Variants in CLNK observed in about 807,000 individuals in gnomAD.
CLNK encodes the protein cytokine dependent hematopoietic cell linker, also known as cytokine-dependent hematopoietic cell linker.
A neutral mutation model predicts 68.6 loss-of-function variants in CLNK; 74 were observed. The observed-to-expected ratio is 1.08, with a 90% CI of 0.89 to 1.31. The LOEUF (loss-of-function observed/expected upper bound fraction) is 1.31. CLNK is among the 50% of genes most tolerant of loss of function. The probability of loss-of-function intolerance (pLI) is 0.00; values close to 1 mark genes in which losing one functional copy is unlikely to be tolerated. For missense variants in CLNK, 553 were observed against 515.3 expected, an observed-to-expected ratio of 1.07 and a Z score of -0.71; for synonymous variants, 198 against 172.2, an observed-to-expected ratio of 1.15 and a Z score of -1.17.
At chr4:10,650,614 C>A (rs994033453) in intron 2 of CLNK, among the ~76,000 whole-genome samples, 3 of 152,048 alleles carry the variant, frequency 2.0e-5, no homozygotes, top group Non-Finnish European at 4.4e-5. Context: ...AACTGTCAAT[C>A]TGAAATTATA....
chr4:10,703,850 A>T, the CLNK span, among the ~76,000 whole-genome samples: 1 of 152,188 alleles, frequency 6.6e-6, no homozygotes, highest in East Asian at 1.9e-4. Flanking sequence ...TACAGTAATA[A>T]TACAGTATTA....
At chr4:10,699,266 C>CAT in the CLNK span, among the ~76,000 whole-genome samples, 2 of 66,014 alleles carry the variant, frequency 3.0e-5, no homozygotes, top group African/African-American at 1.4e-4. Context: ...TGTGTGTATA[C>CAT]ACACACACAC....
chr4:10,581,091 T>C (rs879707017), intron 4 of CLNK, among the ~76,000 whole-genome samples: 2 of 152,188 alleles, frequency 1.3e-5, no homozygotes, highest in Non-Finnish European at 2.9e-5. Flanking sequence ...TACCATTGTG[T>C]TACAACTGCC....
chr4:10,723,357 T>A, the CLNK span, among the ~76,000 whole-genome samples: 1 of 152,202 alleles, frequency 6.6e-6, no homozygotes, highest in African/African-American at 2.4e-5. Flanking sequence ...GTGGAGTATA[T>A]TAAGAAGTTT....
chr4:10,542,684 A>G (rs4698065), intron 8 of CLNK, among the ~76,000 whole-genome samples: 31,247 of 139,986 alleles, frequency 0.22, 3,259 homozygotes, highest in East Asian at 0.45. Flanking sequence ...GTGTGTGTGT[A>G]TATATATATA....
intron 2 of CLNK, among the ~76,000 whole-genome samples, chr4:10,641,024 T>TA (rs1001297865): frequency 1.3e-5 from 2 of 151,990 alleles, no homozygotes; most frequent in Non-Finnish European, 1.5e-5. Context: ...ATTTTTCATG[T>TA]AAAAAAATTA....
chr4:10,541,027 C>T (rs1357411845), intron 10 of CLNK, among the ~76,000 whole-genome samples: 1 of 151,930 alleles, frequency 6.6e-6, no homozygotes, highest in Non-Finnish European at 1.5e-5. Context: ...CCAGCCTGGC[C>T]AACATGGTAA....
rs1327785879 is a variant in CLNK, at chr4:10,542,296, G to A, written c.446-16C>T. The stretch of plus-strand genomic sequence containing the variant: ...GATGCATCTCCTAAAACATAAGAGG[G>A]AATAGCAGTGAATTTATGGAAAATG... On this transcript the variant is annotated splice_polypyrimidine_tract_variant and intron_variant, in intron 8 of 18. Transcript: ENST00000226951. The A allele has an allele frequency of 1.3e-6, 2 of 1,508,312 alleles. No homozygotes were observed. The highest frequency in any genetic ancestry group is 1.8e-6 in the Non-Finnish European group (2 of 1,103,554). 93.4% of individuals were successfully genotyped at this position (1,508,312 alleles called of 1,614,324 possible). A position where few individuals can be genotyped will look rare whatever the true frequency, so the allele number is the denominator to read the frequency against.
rs756599169 is a variant in CLNK, at chr4:10,490,550, C to T, written c.1204G>A (p.Gly402Arg). The T allele has an allele frequency of 6.2e-7, 1 of 1,603,634 alleles. No individual in the cohort carries two copies. The highest frequency in any genetic ancestry group is 8.5e-7 in the Non-Finnish European group (1 of 1,174,860). ...YKNFPIILIDGKDKTGVHRKQ... is the reference protein window; with the variant it reads ...YKNFPIILIDRKDKTGVHRKQ... ...CTGTGGACCCCAGTTTTATCTTTCC[C>T]ATCAATTAGTATAATGGGAAAATTC... is the stretch of plus-strand genomic sequence containing the variant. Residue 402 changes from glycine (G) to arginine (R), a missense_variant, in exon 19 of 19, where the codon GGG (glycine) becomes AGG (arginine). Gly to Arg is a moderately radical substitution (Grantham distance 125, BLOSUM62 -2). Transcript: ENST00000226951.
At chr4:10,557,178 G>T (rs1274453533) in intron 8 of CLNK, among the ~76,000 whole-genome samples, 1 of 152,206 alleles carries the variant, frequency 6.6e-6, no homozygotes, top group South Asian at 2.1e-4. Context: ...TGTGCCTTAG[G>T]TTTTGGCTAC....
chr4:10,544,730 C>G (rs1266187241), intron 8 of CLNK, among the ~76,000 whole-genome samples: 1 of 152,092 alleles, frequency 6.6e-6, no homozygotes, highest in African/African-American at 2.4e-5. Context: ...TTGCTTAAAA[C>G]AGAATACTTG....
intron 18 of CLNK, among the ~76,000 whole-genome samples, chr4:10,493,687 G>T (rs1716688233): frequency 6.7e-6 from 1 of 149,194 alleles, no homozygotes; most frequent in African/African-American, 2.6e-5. Flanking sequence ...GTTTCTACCT[G>T]ATGCTAAGGT....
chr4:10,518,648 T>A (rs1340368930), intron 15 of CLNK, among the ~76,000 whole-genome samples: 1 of 152,206 alleles, frequency 6.6e-6, no homozygotes, highest in Admixed American at 6.5e-5. Context: ...TTGCTTGGGA[T>A]CCTAATAGTT....
At chr4:10,728,148 C>A in the CLNK span, among the ~76,000 whole-genome samples, 65,509 of 151,942 alleles carry the variant, frequency 0.43, 14,908 homozygotes, top group East Asian at 0.69. Flanking sequence ...TCCTACAGTG[C>A]GAGGGGCAGC....
chr4:10,520,014 G>A (rs909420958), intron 15 of CLNK, among the ~76,000 whole-genome samples: 2 of 145,226 alleles, frequency 1.4e-5, no homozygotes, highest in African/African-American at 5.1e-5. Context: ...ATACCCTGTG[G>A]GCTTTGCTTC....
At chr4:10,558,643 G>A (rs553194730) in intron 7 of CLNK, among the ~76,000 whole-genome samples, 191 bp from the exon 8 acceptor site, 20 of 152,288 alleles carry the variant, frequency 1.3e-4, no homozygotes, top group African/African-American at 4.6e-4. Context: ...AGGGTGCAGT[G>A]GCTTGAGTGG....
At chr4:10,715,733 A>C in the CLNK span, among the ~76,000 whole-genome samples, 74 of 152,252 alleles carry the variant, frequency 4.9e-4, no homozygotes, top group Non-Finnish European at 8.1e-4. Context: ...AATTATTATC[A>C]AAATCACCTG....
At chr4:10,702,024 G>T in the CLNK span, among the ~76,000 whole-genome samples, 2 of 152,202 alleles carry the variant, frequency 1.3e-5, no homozygotes, top group Non-Finnish European at 2.9e-5. Context: ...GAAGACACGA[G>T]AACCAAGAGG....
At chr4:10,554,509 C>T (rs540623703) in intron 8 of CLNK, among the ~76,000 whole-genome samples, 88 of 152,142 alleles carry the variant, frequency 5.8e-4, no homozygotes, top group Non-Finnish European at 1.0e-3. Flanking sequence ...TATTCCTTTC[C>T]TTTTCTCTGA....
Sources: allele counts gnomAD v4.1 joint callset (sites outside exome capture counted in the v4.1 genomes callset), GRCh38; gene constraint gnomAD v4.1.1; transcripts MANE v1.5; gene names NCBI Gene and HGNC (gene_info 2026-07-23, HGNC 2026-07-21).